Variants in VRK2 observed in about 807,000 individuals in gnomAD.
The protein encoded by VRK2 is serine/threonine-protein kinase VRK2.
VRK2 carries 60 observed loss-of-function variants against 57.6 expected under a neutral mutation model. The ratio of observed to expected loss-of-function variants is 1.04; its 90% CI spans 0.85 to 1.29. VRK2 has a LOEUF of 1.29. Among genes scored for constraint, VRK2 ranks in the 50% most tolerant of loss-of-function variants. VRK2 has a pLI of 0.00. For missense variants in VRK2, 705 were observed against 588.1 expected (o/e 1.20, Z -2.06); for synonymous variants, 231 against 199.2 (o/e 1.16, Z -1.35).
intron 10 of VRK2, among the ~76,000 whole-genome samples, chr2:58,135,912 C>G (rs1031794349): frequency 1.3e-5 from 2 of 152,156 alleles, no homozygotes; most frequent in Admixed American, 6.5e-5. Context: ...CCAGTGCCCA[C>G]TATCAGTCTT....
intron 1 of VRK2, among the ~76,000 whole-genome samples, chr2:57,917,593 G>A (rs1048638688): frequency 6.7e-6 from 1 of 150,310 alleles, no homozygotes; most frequent in Non-Finnish European, 1.5e-5. Flanking sequence ...TATGACTAAA[G>A]TTTTTAGAGT....
chr2:58,115,604 C>G (rs566141162), intron 7 of VRK2, among the ~76,000 whole-genome samples: 1 of 152,152 alleles, frequency 6.6e-6, no homozygotes, highest in Non-Finnish European at 1.5e-5. Flanking sequence ...GAATTCTGAC[C>G]ACACTAACCA....
intron 1 of VRK2, among the ~76,000 whole-genome samples, chr2:57,925,481 G>A (rs1670501524): frequency 6.6e-6 from 1 of 151,848 alleles, no homozygotes; most frequent in Non-Finnish European, 1.5e-5. Flanking sequence ...CCAATTTATT[G>A]GCATATAGTT....
chr2:57,923,084 TG>T (rs1163433981), intron 1 of VRK2, among the ~76,000 whole-genome samples: 1 of 152,098 alleles, frequency 6.6e-6, no homozygotes, highest in East Asian at 1.9e-4. Context: ...AGTACTCCAT[TG>T]TGTATGTGCA....
chr2:57,975,034 C>G (rs1271207393), intron 1 of VRK2, among the ~76,000 whole-genome samples: 1 of 151,658 alleles, frequency 6.6e-6, no homozygotes, highest in Non-Finnish European at 1.5e-5. Flanking sequence ...TACAGCATAT[C>G]ATAAATTATA....
At chr2:58,076,106 CTTTTTTT>C (rs71394406) in intron 2 of VRK2, among the ~76,000 whole-genome samples, 1 of 121,818 alleles carries the variant, frequency 8.2e-6, no homozygotes, top group Admixed American at 8.2e-5. Flanking sequence ...CTACTGTCTT[CTTTTTTT>C]TTTTTTTTTT....
chr2:57,944,661 G>A (rs527497726), intron 1 of VRK2, among the ~76,000 whole-genome samples: 1 of 152,062 alleles, frequency 6.6e-6, no homozygotes, highest in African/African-American at 2.4e-5. Flanking sequence ...GCGTGAACCC[G>A]GGAGGCGGAG....
rs561693467 is a variant in VRK2, at chr2:58,117,514, G to A, written c.544-5587G>A. Among the ~76,000 whole-genome samples the A allele has an allele frequency of 1.3e-3, 192 of 152,206 alleles. 2 individuals are homozygous for A. Among genetic ancestry groups the A allele is most frequent in the African/African-American group, 3.9e-3 (164 of 41,536 alleles). ...AGGAAGATTAGAAAGACTCAGCGAC[G>A]CTTGGGGTTGGGACTGAGGGGACAG... On this transcript the variant is annotated intron_variant, in intron 7 of 12. Coordinates refer to ENST00000340157, the MANE Select transcript of VRK2 (RefSeq NM_006296.7).
intron 3 of VRK2, among the ~76,000 whole-genome samples, chr2:58,038,902 CT>C (rs2103714853): frequency 6.6e-6 from 1 of 152,218 alleles, no homozygotes; most frequent in Non-Finnish European, 1.5e-5. Context: ...GATCAACATT[CT>C]GCTTTCATGA....
intron 5 of VRK2, among the ~76,000 whole-genome samples, chr2:58,087,311 G>A (rs1364285124): frequency 3.9e-5 from 6 of 152,108 alleles, no homozygotes; most frequent in African/African-American, 7.2e-5. Flanking sequence ...CAGTAATCTT[G>A]AAGTAAAGGA....
At chr2:58,036,522 A>T (rs1674279082) in intron 3 of VRK2, among the ~76,000 whole-genome samples, 1 of 152,058 alleles carries the variant, frequency 6.6e-6, no homozygotes, top group Non-Finnish European at 1.5e-5. Context: ...TTTCTATTCT[A>T]TGTGCTGAGA....
At position 58,110,012 on chromosome 2, in the gene VRK2, A is replaced by G. The variant is rs139684313; in HGVS notation, c.544-13089A>G. Among the ~76,000 whole-genome samples, 24 of 152,356 alleles carry G rather than the reference A, an allele frequency of 1.6e-4. 1 individual carries two copies. The East Asian group carries it at 4.0e-3, about 26-fold the overall frequency. On this transcript the variant is annotated intron_variant, in intron 7 of 12. Transcript: ENST00000340157. ...TCAGGAAGCAAAGAAGACTGGAAGT[A>G]CAGGCTTAACTAAGTGTAGAACTTG...
intron 1 of VRK2, among the ~76,000 whole-genome samples, chr2:57,981,294 G>A (rs996132860): frequency 1.3e-5 from 2 of 152,126 alleles, no homozygotes; most frequent in Non-Finnish European, 2.9e-5. Flanking sequence ...TTTCACTTAT[G>A]AAGCTTAGTT....
At chr2:58,085,841 T>G (rs1011749019) in intron 4 of VRK2, among the ~76,000 whole-genome samples, 5 of 151,850 alleles carry the variant, frequency 3.3e-5, no homozygotes, top group East Asian at 1.9e-4. Flanking sequence ...TAAGTGGATT[T>G]GATTTTTTGT....
At chr2:58,133,775 C>T (rs1471515352) in intron 9 of VRK2, among the ~76,000 whole-genome samples, 1 of 152,098 alleles carries the variant, frequency 6.6e-6, no homozygotes, top group East Asian at 1.9e-4. Context: ...TTGAGCATCC[C>T]ACAAACCTGT....
chr2:58,027,132 G>A (rs944704604), intron 2 of VRK2, among the ~76,000 whole-genome samples: 3 of 151,976 alleles, frequency 2.0e-5, no homozygotes, highest in African/African-American at 7.2e-5. Flanking sequence ...AACTAAGGGT[G>A]CCCTTCTCTG....
intron 1 of VRK2, among the ~76,000 whole-genome samples, chr2:57,991,472 A>T (rs1278128639): frequency 6.6e-6 from 1 of 152,190 alleles, no homozygotes; most frequent in African/African-American, 2.4e-5. Flanking sequence ...GTTTGGACAG[A>T]TGAATGCTGG....
At chr2:57,931,125 C>A (rs1670709229) in intron 1 of VRK2, among the ~76,000 whole-genome samples, 1 of 152,024 alleles carries the variant, frequency 6.6e-6, no homozygotes, top group Admixed American at 6.6e-5. Context: ...GGTATCTTTT[C>A]AGGATAGTGA....
intron 2 of VRK2, among the ~76,000 whole-genome samples, chr2:58,062,919 A>G (rs1016749540): frequency 1.3e-5 from 2 of 152,126 alleles, no homozygotes; most frequent in African/African-American, 2.4e-5. Flanking sequence ...ACAGCCTTCT[A>G]TTGGAAGAAG....
Sources: gnomAD v4.1 joint callset for allele counts (sites outside exome capture counted in the v4.1 genomes callset) on GRCh38, gnomAD v4.1.1 for gene constraint, MANE v1.5 for transcripts, NCBI Gene and HGNC (gene_info 2026-07-23, HGNC 2026-07-21) for gene names.